The following RNF34 variants were observed in gnomAD, a reference collection of about 807,000 sequenced individuals.
RNF34 encodes ring finger protein 34.
RNF34 carries 12 observed loss-of-function variants against 37.9 expected under a neutral mutation model. The observed-to-expected ratio is 0.32, with a 90% CI of 0.20 to 0.51. The LOEUF (loss-of-function observed/expected upper bound fraction) is 0.51. RNF34 is among the 20% of genes least tolerant of loss of function. The probability of loss-of-function intolerance (pLI) is 0.97; values close to 1 mark genes in which losing one functional copy is unlikely to be tolerated. For synonymous variants in RNF34, 155 were observed against 177.2 expected (o/e 0.87, Z 1.00); for missense variants, 362 against 472.7 (o/e 0.77, Z 2.17).
intron 3 of RNF34, chr12:121,418,661 G>A (rs1871803051): frequency 5.3e-5 from 8 of 152,208 alleles, no homozygotes; most frequent in Admixed American, 4.6e-4. Flanking sequence ...CGAGGCTGCA[G>A]GTGTACCATG....
Position 121,420,565 on chromosome 12 carries a change from C to A in RNF34, c.727-12C>A. On this transcript the variant is annotated splice_polypyrimidine_tract_variant and intron_variant, in intron 4 of 5. Transcript: ENST00000361234. ...TATGGGACCAGGGCTAATGGATGCT[C>A]TGTGGTTTCAGAACCCCGGGCTCTC... 6.2e-7 allele frequency: 1 copy of A among 1,613,758 alleles called. No individual in the cohort carries two copies. The highest frequency in any genetic ancestry group is 1.1e-5 in the South Asian group (1 of 91,060).
rs1872328490 is a variant in RNF34 at position 121,423,362 on chromosome 12, C to T, written c.929-24C>T. 7 of 1,574,944 alleles carry T rather than the reference C, an allele frequency of 4.4e-6. 1 individual carries two copies. The highest frequency in any genetic ancestry group is 6.0e-6 in the Non-Finnish European group (7 of 1,157,588). Reference sequence around the variant, plus strand: ...TGACTGGCCATGCCTGAAGCCGAGGCCTTAGCTCTCTGTTGCCTTTCAGAT... The same window carrying T: ...TGACTGGCCATGCCTGAAGCCGAGGTCTTAGCTCTCTGTTGCCTTTCAGAT... On this transcript the variant is annotated intron_variant, in intron 5 of 5. Coordinates refer to ENST00000361234, the MANE Select transcript of RNF34 (RefSeq NM_025126.4). This position sits in a 1 kb window ranked among gnomAD's most constrained non-coding sequence, Gnocchi z 4.3.
chr12:121,410,721 T>C (rs916304572), intron 1 of RNF34, among the ~76,000 whole-genome samples: 2 of 152,164 alleles, frequency 1.3e-5, no homozygotes, highest in African/African-American at 2.4e-5. Context: ...AAGGTTATTC[T>C]CTCACTGGGA....
At chr12:121,418,976 T>G (rs1555282759) in intron 3 of RNF34, among the ~76,000 whole-genome samples, 1 of 152,160 alleles carries the variant, frequency 6.6e-6, no homozygotes, top group Admixed American at 6.5e-5. Context: ...GTGCTAAGAT[T>G]ACAGGCATGA....
intron 1 of RNF34, among the ~76,000 whole-genome samples, chr12:121,407,940 T>G (rs1451876241): frequency 6.6e-6 from 1 of 151,124 alleles, no homozygotes; most frequent in Non-Finnish European, 1.5e-5. Flanking sequence ...AGAGCTCAGA[T>G]TCAATAAACC....
Position 121,410,971 on chromosome 12 carries a change from G to A in RNF34, c.7-5188G>A, listed in dbSNP as rs150250138. 1.8e-4 allele frequency among the ~76,000 whole-genome samples: 27 copies of A among 152,242 alleles called. No individual in the cohort carries two copies. In the East Asian group the frequency reaches 4.8e-3, roughly 27 times the overall value. On this transcript the variant is annotated intron_variant, in intron 1 of 5. Transcript: ENST00000361234. ...TGTTTTTGAGACAGGGTCTCACTCC[G>A]TCACCCAGGCTGGAGTGCGGTGGCG...
At chr12:121,419,128 G>A (rs1871855122) in intron 3 of RNF34, among the ~76,000 whole-genome samples, 1 of 152,176 alleles carries the variant, frequency 6.6e-6, no homozygotes, top group Admixed American at 6.5e-5. Flanking sequence ...CACGGCAGTG[G>A]TTCTGTAAGA....
chr12:121,404,905 G>A (rs1357088110), intron 1 of RNF34: 1 of 152,238 alleles, frequency 6.6e-6, no homozygotes, highest in African/African-American at 2.4e-5. Context: ...GCTGAACCTT[G>A]AGGCCATTTG....
intron 5 of RNF34, among the ~76,000 whole-genome samples, chr12:121,421,144 A>T (rs1376148945): frequency 6.6e-6 from 1 of 152,024 alleles, no homozygotes; most frequent in Non-Finnish European, 1.5e-5. Context: ...TTTAAATCTA[A>T]CAGTAGGGGG....
chr12:121,420,089 C>T, intron 3 of RNF34, 153 bp from the exon 4 acceptor site: 3 of 605,330 alleles, frequency 5.0e-6, no homozygotes, highest in African/African-American at 1.9e-5. Flanking sequence ...TTTGTAGGGC[C>T]CAACTTTTTG....
At chr12:121,404,176 T>C (rs1268824128) in intron 1 of RNF34, among the ~76,000 whole-genome samples, 6 of 147,198 alleles carry the variant, frequency 4.1e-5, no homozygotes, top group Admixed American at 6.7e-5. Flanking sequence ...TTTTTTTTTT[T>C]CTTCGTATTT....
rs564599430 is a variant in RNF34 at position 121,400,141 on chromosome 12, G to A, written c.-72G>A. On this transcript the variant is annotated 5_prime_UTR_variant, in exon 1 of 6. Transcript: ENST00000361234. ...GTAATCACCGCCCAGAGGGAAGGAG[G>A]TCGGCAGTGTGAGGAGCTGCTATGG... 5 of 1,561,700 alleles carry A rather than the reference G, an allele frequency of 3.2e-6. No homozygotes were observed. The South Asian group carries it at 3.5e-5, about 11-fold the overall frequency.
rs1555283230 is a variant in RNF34 at position 121,420,760 on chromosome 12, G to A, written c.910G>A (p.Glu304Lys). ...AGTAAACCGGTTATACAAAGAGAATGAAGAAAACCAAAAGTCCTGTAGGTT... is the reference window on the plus strand; with the variant it reads ...AGTAAACCGGTTATACAAAGAGAATAAAGAAAACCAAAAGTCCTGTAGGTT... ...EKVNRLYKEN[E>K]ENQKSYGERL... The change falls in exon 5 of 6, where the codon GAA (glutamate) becomes AAA (lysine). Residue 304 changes from glutamate to lysine, a missense_variant. Coordinates refer to ENST00000361234, the MANE Select transcript of RNF34 (RefSeq NM_025126.4). The A allele has an allele frequency of 6.2e-7, 1 of 1,613,286 alleles. No homozygotes were observed. Among genetic ancestry groups the A allele is most frequent in the African/African-American group, 1.3e-5 (1 of 75,018 alleles).
chr12:121,420,025 C>T, intron 3 of RNF34: 4 of 467,084 alleles, frequency 8.6e-6, no homozygotes. Context: ...TTTACACACA[C>T]ACAGGAATTT....
rs782488001 is a variant in RNF34 at position 121,420,647 on chromosome 12, G to C, written c.797G>C (p.Gly266Ala). Residue 266 changes from glycine (G) to alanine (A), a missense_variant, in exon 5 of 6, where the codon GGA (glycine) becomes GCA (alanine). Physicochemically the swap from Gly to Ala is moderately conservative, Grantham distance 60. Transcript: ENST00000361234. ...TTGTCAAGCCTTGATGATGTGGAAG[G>C]AATGAGCGTGCGCCAGCTGAAGGAA... ...SDLSSLDDVE[G>A]MSVRQLKEIL... 3 of 1,614,212 alleles carry C rather than the reference G, an allele frequency of 1.9e-6. No homozygotes were observed. Among genetic ancestry groups the C allele is most frequent in the East Asian group, 2.2e-5 (1 of 44,892 alleles).
chr12:121,408,998 G>GTC (rs1555280984), intron 1 of RNF34, among the ~76,000 whole-genome samples: 3 of 151,474 alleles, frequency 2.0e-5, no homozygotes, highest in Non-Finnish European at 4.4e-5. Flanking sequence ...TTGAGATGGA[G>GTC]TCTTGCTCGG....
Position 121,417,420 on chromosome 12 carries a change from A to G in RNF34, c.226-84A>G. 2 of 1,223,150 alleles carry G rather than the reference A, an allele frequency of 1.6e-6. No homozygotes were observed. The highest frequency in any genetic ancestry group is 2.3e-6 in the Non-Finnish European group (2 of 875,386). The allele number at this position is 1,223,150 out of a possible 1,614,324, so 75.8% of individuals were successfully genotyped here. On this transcript the variant is annotated intron_variant, in intron 2 of 5. Transcript: ENST00000361234. The surrounding 1 kb of genome is among the most constrained non-coding windows in gnomAD (Gnocchi z 5.0). Reference sequence around the variant, plus strand: ...GGGGACTTCACTAAGAACTAAAATTAAATTTTAGTAGAAGGCAGAAAGAAA... The same window carrying G: ...GGGGACTTCACTAAGAACTAAAATTGAATTTTAGTAGAAGGCAGAAAGAAA...
chr12:121,403,104 T>C (rs1462292951), intron 1 of RNF34, among the ~76,000 whole-genome samples: 1 of 152,028 alleles, frequency 6.6e-6, no homozygotes, highest in African/African-American at 2.4e-5. Context: ...TGGCTCTAAA[T>C]AGGATAAAGA....
rs1001656623 is a variant in RNF34 at position 121,420,419 on chromosome 12, T to C, written c.726+85T>C. On this transcript the variant is annotated intron_variant, in intron 4 of 5. Transcript: ENST00000361234. ...GCCCTGTGGACATTCGCTAGATTAG[T>C]ACAGGATGTTTCTTCTGGTTTGAAT... is the stretch of plus-strand genomic sequence containing the variant. 4.5e-6 allele frequency: 7 copies of C among 1,550,934 alleles called. No homozygotes were observed. The African/African-American group carries it at 8.2e-5, about 18-fold the overall frequency.
Sources: gnomAD v4.1 joint callset for allele counts (sites outside exome capture counted in the v4.1 genomes callset) on GRCh38, gnomAD v4.1.1 for gene constraint, Gnocchi (gnomAD v3.1) non-coding constraint, MANE v1.5 for transcripts, NCBI Gene and HGNC (gene_info 2026-07-23, HGNC 2026-07-21) for gene names.